DIAPH2: variants seen among roughly 807,000 people sequenced by gnomAD.
DIAPH2 encodes protein diaphanous homolog 2.
Under a neutral mutation model 92.7 loss-of-function variants are expected in DIAPH2, and 35 were observed. The observed-to-expected ratio is 0.38, with a 90% confidence interval of 0.29 to 0.50. The LOEUF is 0.50. Ranked by LOEUF, DIAPH2 falls within the 20% of genes least tolerant of loss-of-function variation. DIAPH2 has a pLI of 0.94. For synonymous variants in DIAPH2, 301 were observed against 280.4 expected (o/e 1.07, Z -0.73); for missense variants, 701 against 819.5 (o/e 0.86, Z 1.77).
chrX:96,734,584 G>C (rs1389081376), intron 1 of DIAPH2, among the ~76,000 whole-genome samples: 4 of 111,715 alleles, frequency 3.6e-5, no homozygotes, highest in Non-Finnish European at 7.5e-5. Context: ...TTCCTAGGCA[G>C]TAAAGATTGA....
At chrX:97,409,816 G>A (rs1347774468) in intron 25 of DIAPH2, among the ~76,000 whole-genome samples, 1 of 112,714 alleles carries the variant, frequency 8.9e-6, no homozygotes, top group Non-Finnish European at 1.9e-5. Flanking sequence ...GCCTGGCAGG[G>A]GGTGAGGTGT....
At chrX:97,233,516 T>A (rs898149775) in intron 22 of DIAPH2, among the ~76,000 whole-genome samples, 2 of 112,292 alleles carry the variant, frequency 1.8e-5, no homozygotes, top group African/African-American at 6.5e-5. Flanking sequence ...TCCTGGAATG[T>A]ACTGGAGTAT....
intron 26 of DIAPH2, among the ~76,000 whole-genome samples, chrX:97,571,891 G>C (rs1394025621): frequency 1.8e-5 from 2 of 111,820 alleles, no homozygotes; most frequent in African/African-American, 3.2e-5. Context: ...ATCTAAAACT[G>C]TTAGATTGTA....
In DIAPH2 at chrX:97,383,929, T is replaced by A. The variant is rs1438887875; in HGVS notation, c.3030T>A (p.Asn1010Lys). 2.5e-6 allele frequency: 3 copies of A among 1,197,240 alleles called. No individual in the cohort carries two copies. The highest frequency in any genetic ancestry group is 3.6e-5 in the African/African-American group (2 of 56,057). The change falls in exon 25 of 27, where the codon AAT becomes AAA. Residue 1010 changes from asparagine (N) to lysine (K), a missense_variant. Around this residue, in one of 3 missense-constraint regions of DIAPH2, gnomAD observed 536 missense variants for 599.3 expected, o/e 0.89. Coordinates refer to ENST00000324765, the MANE Select transcript of DIAPH2 (RefSeq NM_006729.5). Reference sequence around the variant, plus strand: ...TATAGGAAGCAGTGAGAGAAAACAATAAGAGAAGAGAAATGGAAGAGAAGA... The same window carrying A: ...TATAGGAAGCAGTGAGAGAAAACAAAAAGAGAAGAGAAATGGAAGAGAAGA... Reference protein sequence around the residue: ...TLFLEAVRENNKRREMEEKTR... With the variant: ...TLFLEAVRENKKRREMEEKTR...
At chrX:97,180,968 G>C (rs1423061870) in intron 22 of DIAPH2, among the ~76,000 whole-genome samples, 1 of 111,608 alleles carries the variant, frequency 9.0e-6, no homozygotes, top group African/African-American at 3.3e-5. Flanking sequence ...TTTTTGCTTA[G>C]GATTGTCTTA....
At chrX:96,705,369 A>G (rs923212341) in intron 1 of DIAPH2, among the ~76,000 whole-genome samples, 4 of 111,809 alleles carry the variant, frequency 3.6e-5, no homozygotes, top group Non-Finnish European at 5.6e-5. Context: ...AAATTAAAAG[A>G]AAAAAGAAGT....
At chrX:97,409,079 G>A (rs1219810558) in intron 25 of DIAPH2, among the ~76,000 whole-genome samples, 1 of 112,061 alleles carries the variant, frequency 8.9e-6, no homozygotes, top group Non-Finnish European at 1.9e-5. Context: ...AGGGTTGAGT[G>A]ATAATGTTGG....
chrX:97,476,174 A>G (rs934051768), intron 26 of DIAPH2, among the ~76,000 whole-genome samples: 1 of 112,226 alleles, frequency 8.9e-6, no homozygotes, highest in Non-Finnish European at 1.9e-5. Flanking sequence ...TGGAAAAGTA[A>G]TGTTCACATT....
chrX:97,150,164 A>G (rs1215410282), intron 22 of DIAPH2, among the ~76,000 whole-genome samples: 1 of 111,863 alleles, frequency 8.9e-6, no homozygotes, highest in Non-Finnish European at 1.9e-5. Context: ...AGCTCAGGAA[A>G]ATGTATTTTT....
intron 21 of DIAPH2, among the ~76,000 whole-genome samples, chrX:97,120,619 T>G (rs1055505429): frequency 1.0e-5 from 1 of 99,249 alleles, no homozygotes; most frequent in African/African-American, 3.8e-5. Context: ...TGTGGGTTTT[T>G]TTTTTTTTTT....
chrX:97,198,940 T>G (rs1217741455), intron 22 of DIAPH2, among the ~76,000 whole-genome samples: 2 of 110,697 alleles, frequency 1.8e-5, no homozygotes, highest in Non-Finnish European at 3.8e-5. Flanking sequence ...TATATTAGGT[T>G]GACATGTGAG....
At position 97,601,337 on chromosome X, in the gene DIAPH2, A is replaced by T. The variant is rs1057467094; in HGVS notation, c.*2020A>T. ...TGATATGTATCATCACCTTTTCCAG[A>T]TACAAACTTGCCTTATTTTCTAGTT... On this transcript the variant is annotated 3_prime_UTR_variant, in exon 27 of 27. Transcript: ENST00000324765. The T allele has an allele frequency of 1.8e-5, 2 of 111,751 alleles. No homozygotes were observed. Among genetic ancestry groups the T allele is most frequent in the Non-Finnish European group, 3.8e-5 (2 of 53,081 alleles). 9.2% of individuals were successfully genotyped at this position (111,751 alleles called of 1,213,427 possible). A position where few individuals can be genotyped will look rare whatever the true frequency, so the allele number is the denominator to read the frequency against.
intron 25 of DIAPH2, among the ~76,000 whole-genome samples, chrX:97,388,316 A>G (rs2069621011): frequency 9.0e-6 from 1 of 111,685 alleles, no homozygotes. Context: ...TTATTTTATA[A>G]AAATACCAGT....
rs745847150 is a variant in DIAPH2, at chrX:96,883,012, A to G, written c.587+1294A>G. 1.3e-3 allele frequency among the ~76,000 whole-genome samples: 137 copies of G among 102,820 alleles called. 1 individual carries two copies. Among genetic ancestry groups the G allele is most frequent in the African/African-American group, 4.7e-3 (132 of 28,215 alleles). The allele number at this position is 102,820 out of a possible 115,157, so 89.3% of individuals were successfully genotyped here. The stretch of plus-strand genomic sequence containing the variant: ...AAAAACAAAAATCCGGGATCTATTT[A>G]TGTAACTACTAGAATCTTAAGTTCA... On this transcript the variant is annotated intron_variant, in intron 5 of 26. Transcript: ENST00000324765.
intron 22 of DIAPH2, among the ~76,000 whole-genome samples, chrX:97,217,730 G>A (rs749837399): frequency 5.3e-3 from 593 of 111,750 alleles, no homozygotes; most frequent in Non-Finnish European, 7.4e-3. Flanking sequence ...GGCGGATCAC[G>A]AGGTCAAGAG....
intron 24 of DIAPH2, among the ~76,000 whole-genome samples, chrX:97,361,094 G>A (rs1277016469): frequency 1.0e-5 from 1 of 95,589 alleles, no homozygotes; most frequent in Non-Finnish European, 2.1e-5. Flanking sequence ...ATCGTGCTAT[G>A]TTGCCCAGGC....
At chrX:96,902,948 T>G (rs890530408) in intron 5 of DIAPH2, among the ~76,000 whole-genome samples, 22 of 111,639 alleles carry the variant, frequency 2.0e-4, no homozygotes, top group Admixed American at 1.7e-3. Context: ...AGTTATCTTG[T>G]GCTAAAAATG....
intron 26 of DIAPH2, among the ~76,000 whole-genome samples, chrX:97,515,567 G>T (rs1272834738): frequency 8.9e-6 from 1 of 112,255 alleles, no homozygotes; most frequent in African/African-American, 3.2e-5. Flanking sequence ...GCTTAGGTTT[G>T]ATGAAGAAGT....
At chrX:96,979,698 A>G (rs1286305102) in intron 17 of DIAPH2, among the ~76,000 whole-genome samples, 1 of 112,337 alleles carries the variant, frequency 8.9e-6, no homozygotes, top group East Asian at 2.8e-4. Flanking sequence ...AAATATAAGT[A>G]TGTAACACAC....
Sources: gnomAD v4.1 joint callset for allele counts (sites outside exome capture counted in the v4.1 genomes callset) on GRCh38, gnomAD v4.1.1 for gene constraint, gnomAD v4.1.1 regional missense constraint, MANE v1.5 for transcripts, NCBI Gene and HGNC (gene_info 2026-07-23, HGNC 2026-07-21) for gene names.